METTL24: variants seen among roughly 807,000 people sequenced by gnomAD.
METTL24 encodes methyltransferase like 24, also known as probable methyltransferase-like protein 24.
Under a neutral mutation model 32.7 loss-of-function variants are expected in METTL24, and 29 were observed. That is an observed-to-expected ratio of 0.89 (90% CI 0.66 to 1.21). The LOEUF (loss-of-function observed/expected upper bound fraction) is 1.21. Ranked by LOEUF, METTL24 falls within the 50% of genes most tolerant of loss-of-function variation. METTL24 has a pLI of 0.00. For missense variants in METTL24, 439 were observed against 468.1 expected (o/e 0.94, Z 0.57); for synonymous variants, 163 against 179.5 (o/e 0.91, Z 0.73).
intron 4 of METTL24, among the ~76,000 whole-genome samples, chr6:110,269,626 A>T (rs1770918265): frequency 6.6e-6 from 1 of 152,164 alleles, no homozygotes; most frequent in African/African-American, 2.4e-5. Context: ...GCTAATATGA[A>T]TTTAGGAAGA....
intron 4 of METTL24, among the ~76,000 whole-genome samples, chr6:110,265,585 C>T (rs1017564204): frequency 6.6e-6 from 1 of 152,138 alleles, no homozygotes; most frequent in African/African-American, 2.4e-5. Flanking sequence ...TGTGGGATTT[C>T]TAGAAAGTTT....
intron 4 of METTL24, among the ~76,000 whole-genome samples, chr6:110,289,175 CCTT>C (rs1322364800): frequency 2.0e-5 from 3 of 152,298 alleles, no homozygotes; most frequent in Non-Finnish European, 4.4e-5. Context: ...AAACCAAAAA[CCTT>C]CTACTGAAAA....
At chr6:110,271,795 T>C (rs754849722) in intron 4 of METTL24, among the ~76,000 whole-genome samples, 1 of 152,224 alleles carries the variant, frequency 6.6e-6, no homozygotes, top group Non-Finnish European at 1.5e-5. Flanking sequence ...TTTAGATTAA[T>C]AGGATTCCTG....
chr6:110,336,633 G>C (rs1772236736), intron 1 of METTL24, among the ~76,000 whole-genome samples: 1 of 151,944 alleles, frequency 6.6e-6, no homozygotes, highest in African/African-American at 2.4e-5. Flanking sequence ...CCAGCTACTT[G>C]GGAGGCTGAG....
chr6:110,356,521 C>T (rs1353841031), intron 1 of METTL24, among the ~76,000 whole-genome samples: 2 of 152,042 alleles, frequency 1.3e-5, no homozygotes, highest in African/African-American at 4.8e-5. Flanking sequence ...AAATATGTCC[C>T]CCGCCTTGAG....
rs1165335410 is a variant in METTL24 at position 110,270,728 on chromosome 6, A to G, written c.787-24468T>C. The stretch of plus-strand genomic sequence containing the variant: ...GTTACTCTAGGTTTTTTAAATTACT[A>G]AGGATCCTCATACCACTGTTTTCCA... On this transcript the variant is annotated intron_variant, in intron 4 of 4. Transcript: ENST00000338882. Among the ~76,000 whole-genome samples, 9 of 152,194 alleles carry G rather than the reference A, an allele frequency of 5.9e-5. 1 individual carries two copies. The highest frequency in any genetic ancestry group is 3.9e-4 in the Admixed American group (6 of 15,268).
At chr6:110,355,916 G>A (rs559578798) in intron 1 of METTL24, among the ~76,000 whole-genome samples, 179 of 152,144 alleles carry the variant, frequency 1.2e-3, no homozygotes, top group Non-Finnish European at 2.3e-3. Context: ...CCCCTCCAGC[G>A]CCCCACTGAG....
chr6:110,280,977 T>A (rs1771126546), intron 4 of METTL24, among the ~76,000 whole-genome samples: 2 of 152,262 alleles, frequency 1.3e-5, no homozygotes, highest in South Asian at 4.1e-4. Flanking sequence ...TTAATAGTAG[T>A]TATCTTAGCA....
chr6:110,282,319 C>T (rs978965925), intron 4 of METTL24, among the ~76,000 whole-genome samples: 5 of 152,096 alleles, frequency 3.3e-5, no homozygotes, highest in African/African-American at 1.2e-4. Flanking sequence ...ATACTTCATC[C>T]CCAGTAATTG....
At chr6:110,333,612 C>T (rs957350321) in intron 1 of METTL24, among the ~76,000 whole-genome samples, 1 of 151,942 alleles carries the variant, frequency 6.6e-6, no homozygotes, top group South Asian at 2.1e-4. Flanking sequence ...GTGCTAATTT[C>T]TGTATTTTTA....
At position 110,323,934 on chromosome 6, in the gene METTL24, TAC is replaced by T. The variant is rs145057813; in HGVS notation, c.319-1064_319-1063del. ...GCAAGATAAAGGGATCATTCACATA[TAC>T]ACAGTGTTCTCCAGTCAGGTACTGT... On this transcript the variant is annotated intron_variant, in intron 1 of 4. Coordinates refer to ENST00000338882, the MANE Select transcript of METTL24 (RefSeq NM_001123364.3). Among the ~76,000 whole-genome samples, 1,522 of 152,220 alleles carry T rather than the reference TAC, an allele frequency of 1.0e-2. 18 individuals are homozygous for T. Among genetic ancestry groups the T allele is most frequent in the African/African-American group, 0.034 (1,419 of 41,530 alleles).
At chr6:110,264,603 C>T (rs1333085161) in intron 4 of METTL24, among the ~76,000 whole-genome samples, 1 of 152,056 alleles carries the variant, frequency 6.6e-6, no homozygotes, top group Non-Finnish European at 1.5e-5. Flanking sequence ...ACCATTTGAC[C>T]CAGCCATCCC....
At chr6:110,330,941 G>A (rs1772100774) in intron 1 of METTL24, among the ~76,000 whole-genome samples, 1 of 152,216 alleles carries the variant, frequency 6.6e-6, no homozygotes, top group Admixed American at 6.5e-5. Flanking sequence ...ATCAGCAGAT[G>A]CCAATGTAGG....
intron 4 of METTL24, among the ~76,000 whole-genome samples, chr6:110,269,033 C>A (rs572589526): frequency 2.0e-5 from 3 of 152,122 alleles, no homozygotes; most frequent in African/African-American, 4.8e-5. Context: ...TATTTGAGAC[C>A]CAATATACCA....
intron 4 of METTL24, among the ~76,000 whole-genome samples, chr6:110,257,880 A>G (rs1778413682): frequency 6.6e-6 from 1 of 152,222 alleles, no homozygotes. Flanking sequence ...GGAATATCCT[A>G]AACACATGCC....
intron 4 of METTL24, among the ~76,000 whole-genome samples, chr6:110,286,582 T>C (rs1365879740): frequency 1.3e-5 from 2 of 152,280 alleles, no homozygotes; most frequent in Middle Eastern, 3.4e-3. Context: ...CAGAACACCA[T>C]GTACATACAA....
intron 2 of METTL24, among the ~76,000 whole-genome samples, chr6:110,322,357 T>C (rs1325764383): frequency 6.6e-6 from 1 of 152,208 alleles, no homozygotes; most frequent in Non-Finnish European, 1.5e-5. Context: ...CTGCCAAGCA[T>C]CTGTGACAGA....
At chr6:110,328,032 C>A (rs985334083) in intron 1 of METTL24, among the ~76,000 whole-genome samples, 6 of 152,190 alleles carry the variant, frequency 3.9e-5, no homozygotes, top group Non-Finnish European at 5.9e-5. Flanking sequence ...GAAATAACAT[C>A]ATTTTGGATT....
At chr6:110,350,863 C>T (rs1480289241) in intron 1 of METTL24, among the ~76,000 whole-genome samples, 1 of 151,560 alleles carries the variant, frequency 6.6e-6, no homozygotes, top group African/African-American at 2.4e-5. Context: ...AATCCCAGCA[C>T]TTTGAGACGC....
Sources: allele counts gnomAD v4.1 joint callset (sites outside exome capture counted in the v4.1 genomes callset), GRCh38; gene constraint gnomAD v4.1.1; transcripts MANE v1.5; gene names NCBI Gene and HGNC (gene_info 2026-07-23, HGNC 2026-07-21).